LHFPL4: variants seen among roughly 807,000 people sequenced by gnomAD.
The protein encoded by LHFPL4 is LHFPL tetraspan subfamily member 4 protein.
A neutral mutation model predicts 20.0 loss-of-function variants in LHFPL4; 6 were observed. The observed-to-expected ratio is 0.30, with a 90% CI of 0.16 to 0.59. LHFPL4 has a LOEUF of 0.59. Ranked by LOEUF, LHFPL4 falls within the 20% of genes least tolerant of loss-of-function variation. LHFPL4 has a pLI of 0.88. For synonymous variants in LHFPL4, 129 were observed against 143.8 expected (o/e 0.90, Z 0.74); for missense variants, 215 against 331.2 (o/e 0.65, Z 2.72).
At chr3:9,550,790 T>A (rs1238966380) in intron 2 of LHFPL4, 1 of 152,214 alleles carries the variant, frequency 6.6e-6, no homozygotes, top group Non-Finnish European at 1.5e-5. Flanking sequence ...TAAATTGAGT[T>A]GGGTGAGATG....
intron 2 of LHFPL4, among the ~76,000 whole-genome samples, chr3:9,524,770 C>G (rs1040869443): frequency 6.6e-6 from 1 of 152,164 alleles, no homozygotes; most frequent in Non-Finnish European, 1.5e-5. Context: ...TTTGCTCTGT[C>G]TCTTCAAACT....
Position 9,535,250 on chromosome 3 carries a change from C to T in LHFPL4, c.406+17024G>A, listed in dbSNP as rs151067673. On this transcript the variant is annotated intron_variant, in intron 2 of 3. Transcript: ENST00000287585. ...AAATAGTTATATAGAATTTACCATG[C>T]CAGGCACTATAATAAGTACTTTACA... Among the ~76,000 whole-genome samples the T allele has an allele frequency of 7.4e-3, 1,121 of 152,272 alleles. 8 individuals are homozygous for T. The highest frequency in any genetic ancestry group is 0.024 in the Middle Eastern group (7 of 294).
At chr3:9,515,548 A>C (rs1293955853) in intron 2 of LHFPL4, among the ~76,000 whole-genome samples, 1 of 151,720 alleles carries the variant, frequency 6.6e-6, no homozygotes, top group South Asian at 2.1e-4. Context: ...TCATTTCTGT[A>C]TTTTTAGTAG....
At chr3:9,524,032 GCA>G (rs1406433789) in intron 2 of LHFPL4, among the ~76,000 whole-genome samples, 3 of 137,260 alleles carry the variant, frequency 2.2e-5, no homozygotes, top group Admixed American at 8.0e-5. Context: ...CTTCTTGCTT[GCA>G]CAGTTTTTGA....
chr3:9,510,035 T>C (rs1039049006), intron 2 of LHFPL4, among the ~76,000 whole-genome samples: 1 of 152,160 alleles, frequency 6.6e-6, no homozygotes, highest in African/African-American at 2.4e-5. Context: ...CTCAATGCTT[T>C]TGACATTCAA....
chr3:9,535,129 A>G (rs2046437215), intron 2 of LHFPL4, among the ~76,000 whole-genome samples: 1 of 152,226 alleles, frequency 6.6e-6, no homozygotes, highest in African/African-American at 2.4e-5. Flanking sequence ...TTAATGATAT[A>G]TAAGAAATAC....
rs879376873 is a variant in LHFPL4, at chr3:9,506,742, G to A, written c.407-539C>T. ...ACTACAGGTGCCTCCCACCATGTCC[G>A]GCTCATTTTTGTATTTTTAGTAGAG... On this transcript the variant is annotated intron_variant, in intron 2 of 3. Coordinates refer to ENST00000287585, the MANE Select transcript of LHFPL4 (RefSeq NM_198560.3). This position sits in a 1 kb window ranked among gnomAD's most constrained non-coding sequence, Gnocchi z 4.5. Among the ~76,000 whole-genome samples, 2 of 151,976 alleles carry A rather than the reference G, an allele frequency of 1.3e-5. No individual in the cohort carries two copies. The highest frequency in any genetic ancestry group is 2.9e-5 in the Non-Finnish European group (2 of 68,000).
At chr3:9,514,007 C>T (rs149773752) in intron 2 of LHFPL4, among the ~76,000 whole-genome samples, 1 of 152,150 alleles carries the variant, frequency 6.6e-6, no homozygotes, top group African/African-American at 2.4e-5. Context: ...CCATCTATAA[C>T]AAGGGACCAA....
chr3:9,524,160 C>T (rs2046359265), intron 2 of LHFPL4, among the ~76,000 whole-genome samples: 1 of 149,822 alleles, frequency 6.7e-6, no homozygotes, highest in East Asian at 1.9e-4. Context: ...TTTCATTATG[C>T]TTGATTTTTT....
intron 2 of LHFPL4, among the ~76,000 whole-genome samples, chr3:9,514,536 G>A (rs2046284882): frequency 6.6e-6 from 1 of 152,156 alleles, no homozygotes; most frequent in African/African-American, 2.4e-5. Context: ...CTCACATTAA[G>A]GATTACTCCT....
chr3:9,549,738 G>C (rs2648393), intron 2 of LHFPL4, among the ~76,000 whole-genome samples: 53,978 of 151,896 alleles, frequency 0.36, 10,491 homozygotes, highest in African/African-American at 0.52. Context: ...AATCATATGA[G>C]AGGCACTTTA....
intron 2 of LHFPL4, among the ~76,000 whole-genome samples, chr3:9,513,292 T>G (rs1209078704): frequency 6.6e-6 from 1 of 152,052 alleles, no homozygotes; most frequent in Non-Finnish European, 1.5e-5. Flanking sequence ...GATAATAACC[T>G]TGGGTCATTT....
At chr3:9,524,857 T>C (rs1353894741) in intron 2 of LHFPL4, among the ~76,000 whole-genome samples, 1 of 152,240 alleles carries the variant, frequency 6.6e-6, no homozygotes, top group Admixed American at 6.5e-5. Flanking sequence ...AAGAAACTGC[T>C]GTAAGTAGGC....
intron 2 of LHFPL4, among the ~76,000 whole-genome samples, chr3:9,521,319 G>C (rs1337617003): frequency 6.6e-6 from 1 of 150,760 alleles, no homozygotes; most frequent in Non-Finnish European, 1.5e-5. Flanking sequence ...TGACTTCTTG[G>C]GGTCAAGTGA....
intron 2 of LHFPL4, among the ~76,000 whole-genome samples, chr3:9,516,866 A>G (rs2046306366): frequency 7.4e-6 from 1 of 135,180 alleles, no homozygotes; most frequent in Admixed American, 8.5e-5. Flanking sequence ...TTCCACCTCC[A>G]CCACCTGGGT....
intron 2 of LHFPL4, among the ~76,000 whole-genome samples, chr3:9,517,782 T>C (rs1379698649): frequency 6.7e-6 from 1 of 149,584 alleles, no homozygotes; most frequent in Non-Finnish European, 1.5e-5. Context: ...AATCTTGCTA[T>C]AGGAGGTTGG....
At chr3:9,553,334 A>G (rs1330866864) in intron 1 of LHFPL4, among the ~76,000 whole-genome samples, 1 of 149,644 alleles carries the variant, frequency 6.7e-6, no homozygotes, top group African/African-American at 2.5e-5. Context: ...CTAAGAGGGC[A>G]AAGTGGCAGA....
At chr3:9,551,414 G>T (rs1196601130) in intron 2 of LHFPL4, among the ~76,000 whole-genome samples, 1 of 147,054 alleles carries the variant, frequency 6.8e-6, no homozygotes, top group Non-Finnish European at 1.5e-5. Context: ...AGCCCAAGTT[G>T]CTGAGTCTTC....
intron 2 of LHFPL4, among the ~76,000 whole-genome samples, chr3:9,515,307 T>G (rs933061841): frequency 1.3e-5 from 2 of 152,244 alleles, no homozygotes; most frequent in Non-Finnish European, 2.9e-5. Context: ...CCTTGGGGTG[T>G]CTGCTAAGGT....
Sources: gnomAD v4.1 joint callset for allele counts (sites outside exome capture counted in the v4.1 genomes callset) on GRCh38, gnomAD v4.1.1 for gene constraint, Gnocchi (gnomAD v3.1) non-coding constraint, MANE v1.5 for transcripts, NCBI Gene and HGNC (gene_info 2026-07-23, HGNC 2026-07-21) for gene names.